Variants in GALNT12 observed in about 807,000 individuals in gnomAD.
GALNT12 encodes UDP-GalNAc:polypeptide N-acetylgalactosaminyltransferase 12.
A neutral mutation model predicts 55.5 loss-of-function variants in GALNT12; 45 were observed. That is an observed-to-expected ratio of 0.81 (90% CI 0.64 to 1.04). The LOEUF is 1.04. GALNT12 is among the 50% of genes least tolerant of loss of function. The probability of loss-of-function intolerance (pLI) is 0.00; values close to 1 mark genes in which losing one functional copy is unlikely to be tolerated. For synonymous variants in GALNT12, 304 were observed against 312.2 expected, an observed-to-expected ratio of 0.97 and a Z score of 0.28; for missense variants, 709 against 754.8, an observed-to-expected ratio of 0.94 and a Z score of 0.71.
At chr9:98,829,680 G>A (rs1438299580) in intron 3 of GALNT12, among the ~76,000 whole-genome samples, 1 of 151,988 alleles carries the variant, frequency 6.6e-6, no homozygotes, top group Non-Finnish European at 1.5e-5. Flanking sequence ...GAGTTCAATT[G>A]TTTTAAGTTT....
rs11793007 is a variant in GALNT12 at position 98,809,281 on chromosome 9, T to C, written c.371+1212T>C. ...TTTGGGGATCTCCTCATGCCTAGCC[T>C]CATGCTTCTGCCTGAGGCATTTTTC... On this transcript the variant is annotated intron_variant, in intron 1 of 9. Coordinates refer to ENST00000375011, the MANE Select transcript of GALNT12 (RefSeq NM_024642.5). 3.2e-3 allele frequency among the ~76,000 whole-genome samples: 491 copies of C among 152,366 alleles called. 3 individuals are homozygous for C. The highest frequency in any genetic ancestry group is 5.1e-3 in the Non-Finnish European group (349 of 68,032).
At position 98,846,118 on chromosome 9, in the gene GALNT12, C is replaced by T. The variant is rs1836409180; in HGVS notation, c.1600C>T (p.Gln534Ter). The T allele has an allele frequency of 6.2e-7, 1 of 1,614,154 alleles. No individual in the cohort carries two copies. The highest frequency in any genetic ancestry group is 8.5e-7 in the Non-Finnish European group (1 of 1,180,016). ...TAPENQKFIL[Q>*]EDGSLFHEQS... is the part of the protein sequence containing the mutation. Reference sequence around the variant, plus strand: ...CCCAGAGAATCAGAAGTTCATCTTGCAGGAGGTAGGTGAACTCTCTCCTTC... The same window carrying T: ...CCCAGAGAATCAGAAGTTCATCTTGTAGGAGGTAGGTGAACTCTCTCCTTC... The change falls in exon 9 of 10, where the codon CAG (glutamine) becomes TAG (stop). Residue 534 changes from glutamine (Q) to a stop codon, truncating the protein, a stop_gained. Coordinates refer to ENST00000375011, the MANE Select transcript of GALNT12 (RefSeq NM_024642.5). LOFTEE classifies it low-confidence loss of function (END_TRUNC).
intron 3 of GALNT12, among the ~76,000 whole-genome samples, chr9:98,829,175 A>G (rs910529253): frequency 2.0e-5 from 3 of 150,418 alleles, no homozygotes; most frequent in African/African-American, 2.5e-5. Flanking sequence ...CTATCTATCT[A>G]TCTATCTATC....
chr9:98,845,862 C>A, intron 8 of GALNT12, 115 bp from the exon 9 acceptor site: 1 of 1,080,194 alleles, frequency 9.3e-7, no homozygotes, highest in Non-Finnish European at 1.4e-6. Context: ...TTGGTGGTGA[C>A]GCAGGTGCAT....
chr9:98,848,690 G>C, intron 9 of GALNT12: 1 of 521,854 alleles, frequency 1.9e-6, no homozygotes. Context: ...AATGCAATAG[G>C]GAGATGTAGG....
intron 1 of GALNT12, among the ~76,000 whole-genome samples, chr9:98,813,499 A>AG (rs201362983): frequency 0.29 from 44,010 of 150,118 alleles, 7,113 homozygotes; most frequent in East Asian, 0.37. Context: ...TCCATTTAAA[A>AG]AATTTTTTTT....
chr9:98,827,762 A>G (rs904235566), intron 3 of GALNT12, among the ~76,000 whole-genome samples: 7 of 152,142 alleles, frequency 4.6e-5, no homozygotes, highest in African/African-American at 1.4e-4. Context: ...CATGGATTGT[A>G]TTTGTCTTTA....
Position 98,832,547 on chromosome 9 carries a change from A to T in GALNT12, c.917+590A>T, listed in dbSNP as rs968822556. ...AAAAAATAAATAAATAAAACAAAGC[A>T]TGCAATTTTAGTGGCATCGAGCACA... On this transcript the variant is annotated intron_variant, in intron 4 of 9. Transcript: ENST00000375011. 2.6e-5 allele frequency among the ~76,000 whole-genome samples: 4 copies of T among 152,316 alleles called. No individual in the cohort carries two copies. The East Asian group carries it at 5.8e-4, about 22-fold the overall frequency.
chr9:98,837,795 C>T (rs1054949726), intron 6 of GALNT12, among the ~76,000 whole-genome samples: 2 of 152,128 alleles, frequency 1.3e-5, no homozygotes, highest in Admixed American at 1.3e-4. Flanking sequence ...TATATATCAC[C>T]TGGAAATGGG....
chr9:98,837,193 C>T, intron 6 of GALNT12, 45 bp downstream of exon 6: 6 of 1,590,838 alleles, frequency 3.8e-6, no homozygotes, highest in Non-Finnish European at 5.2e-6. Context: ...TTCATCTGAA[C>T]AACAGCAGCT....
chr9:98,821,525 T>C (rs1835738240), intron 1 of GALNT12, among the ~76,000 whole-genome samples: 1 of 149,570 alleles, frequency 6.7e-6, no homozygotes, highest in South Asian at 2.1e-4. Flanking sequence ...CTCAGGAGGC[T>C]GAGGTGGGAG....
rs765213957 is a variant in GALNT12 at position 98,826,885 on chromosome 9, C to T, written c.675C>T (p.Thr225=). 2.1e-5 allele frequency: 33 copies of T among 1,589,286 alleles called. No individual in the cohort carries two copies. The highest frequency in any genetic ancestry group is 2.7e-5 in the Non-Finnish European group (32 of 1,168,014). Residue 225 remains threonine, a synonymous_variant, in exon 3 of 10, where the codon ACC becomes ACT. Coordinates refer to ENST00000375011, the MANE Select transcript of GALNT12 (RefSeq NM_024642.5). ...CTGCGGCGAGGGGCGATGTTCTGAC[C>T]TTCCTGGACTGTCACTGTGAGTGCC... ...GASAARGDVL[T]FLDCHCECHE...
intron 4 of GALNT12, among the ~76,000 whole-genome samples, chr9:98,832,975 C>T (rs960995342): frequency 2.0e-5 from 3 of 152,060 alleles, no homozygotes; most frequent in East Asian, 3.9e-4. Flanking sequence ...TGGGTATACA[C>T]CTAGGAGTGG....
chr9:98,841,673 T>G (rs1200859717), intron 7 of GALNT12, among the ~76,000 whole-genome samples: 6 of 140,896 alleles, frequency 4.3e-5, no homozygotes, highest in Non-Finnish European at 9.2e-5. Context: ...CGACAAATTC[T>G]TTTTTTTTTT....
chr9:98,807,986 G>A lies in GALNT12; in HGVS notation c.288G>A (p.Glu96=), dbSNP rs1456078114. 3.3e-6 allele frequency: 5 copies of A among 1,522,164 alleles called. No individual in the cohort carries two copies. In the Admixed American group the frequency reaches 1.0e-4, roughly 30 times the overall value. 94.3% of individuals were successfully genotyped at this position (1,522,164 alleles called of 1,614,324 possible). Residue 96 remains glutamate, a synonymous_variant, in exon 1 of 10, where the codon GAG becomes GAA. Transcript: ENST00000375011. The part of the protein sequence containing the change: ...LQGEELRLQE[E]SVRLHQINIY... ...GCGAGGAGCTGCGGCTGCAGGAGGAGAGCGTGCGGCTGCACCAGATTAACA... is the reference window on the plus strand; with the variant it reads ...GCGAGGAGCTGCGGCTGCAGGAGGAAAGCGTGCGGCTGCACCAGATTAACA...
In GALNT12 at chr9:98,840,017, G is replaced by T; in HGVS notation, c.1228G>T (p.Val410Leu). 1 of 1,614,192 alleles carries T rather than the reference G, an allele frequency of 6.2e-7. No homozygotes were observed. The highest frequency in any genetic ancestry group is 2.2e-5 in the East Asian group (1 of 44,882). The change falls in exon 7 of 10, where the codon GTG becomes TTG. Residue 410 changes from valine to leucine, a missense_variant. Val to Leu is a conservative substitution (Grantham distance 32, BLOSUM62 1). Around this residue, in one of 5 missense-constraint regions of GALNT12, gnomAD observed 262 missense variants for 310.7 expected, o/e 0.84. Coordinates refer to ENST00000375011, the MANE Select transcript of GALNT12 (RefSeq NM_024642.5). The part of the protein sequence containing the change: ...PRARLEPFGD[V>L]TERKQLRDKL... ...GTTTTCTCAGGAACCTTTTGGGGAT[G>T]TGACAGAGAGGAAGCAGCTCCGGGA...
intron 1 of GALNT12, among the ~76,000 whole-genome samples, chr9:98,809,604 A>G (rs1835450283): frequency 6.6e-6 from 1 of 152,236 alleles, no homozygotes; most frequent in African/African-American, 2.4e-5. Flanking sequence ...CATTCTACAT[A>G]AAAGTGAGTG....
chr9:98,813,956 T>C (rs1835554769), intron 1 of GALNT12, among the ~76,000 whole-genome samples: 1 of 152,238 alleles, frequency 6.6e-6, no homozygotes, highest in Non-Finnish European at 1.5e-5. Context: ...AGGATTCTTT[T>C]GGTTAAAAGT....
At chr9:98,828,837 T>A (rs1484119497) in intron 3 of GALNT12, among the ~76,000 whole-genome samples, 1 of 151,624 alleles carries the variant, frequency 6.6e-6, no homozygotes, top group Non-Finnish European at 1.5e-5. Flanking sequence ...ACTCTTTTTT[T>A]CTTTTTTTTT....
Sources: gnomAD v4.1 joint callset for allele counts (sites outside exome capture counted in the v4.1 genomes callset) on GRCh38, gnomAD v4.1.1 for gene constraint, gnomAD v4.1.1 regional missense constraint, MANE v1.5 for transcripts, NCBI Gene and HGNC (gene_info 2026-07-23, HGNC 2026-07-21) for gene names.